The following ERC2 variants were observed in gnomAD, a reference collection of about 807,000 sequenced individuals.
ERC2 encodes the protein ELKS/RAB6-interacting/CAST family member 2.
ERC2 carries 42 observed loss-of-function variants against 114.8 expected under a neutral mutation model. The observed-to-expected ratio is 0.37, with a 90% CI of 0.29 to 0.47. The LOEUF (loss-of-function observed/expected upper bound fraction) is 0.47. Ranked by LOEUF, ERC2 falls within the 20% of genes least tolerant of loss-of-function variation. The pLI is 0.99. For synonymous variants in ERC2, 454 were observed against 425.5 expected (o/e 1.07, Z -0.82); for missense variants, 939 against 1,150.7 (o/e 0.82, Z 2.66).
At chr3:55,674,838 C>T (rs754728900) in intron 17 of ERC2, among the ~76,000 whole-genome samples, 1 of 152,142 alleles carries the variant, frequency 6.6e-6, no homozygotes, top group Non-Finnish European at 1.5e-5. Context: ...TACCCTTGCC[C>T]TTCAACCACC....
intron 17 of ERC2, among the ~76,000 whole-genome samples, chr3:55,620,491 C>A (rs2059281505): frequency 6.6e-6 from 1 of 152,182 alleles, no homozygotes; most frequent in South Asian, 2.1e-4. Context: ...TTCACAATGA[C>A]TCTGCACATT....
chr3:55,763,042 G>A lies in ERC2; in HGVS notation c.2565-28124C>T, dbSNP rs138911584. 8.5e-4 allele frequency among the ~76,000 whole-genome samples: 130 copies of A among 152,278 alleles called. 1 individual carries two copies. The East Asian group carries it at 0.024, about 29-fold the overall frequency. ...TAATTAAACAGAGAATCAAGAAAGA[G>A]ATTCCTAAGAAAATGGCATTATTGG... On this transcript the variant is annotated intron_variant, in intron 14 of 17. Transcript: ENST00000288221.
At chr3:55,741,424 A>G (rs2065956449) in intron 14 of ERC2, among the ~76,000 whole-genome samples, 1 of 152,118 alleles carries the variant, frequency 6.6e-6, no homozygotes, top group Admixed American at 6.6e-5. Flanking sequence ...GTGACAAGAC[A>G]CTTGGATATA....
At chr3:55,627,239 G>T (rs358919) in intron 17 of ERC2, among the ~76,000 whole-genome samples, 1 of 152,066 alleles carries the variant, frequency 6.6e-6, no homozygotes, top group Admixed American at 6.5e-5. Context: ...AGGCCAAGGC[G>T]GGCAGATCAC....
intron 3 of ERC2, among the ~76,000 whole-genome samples, chr3:56,196,092 T>C (rs1384422724): frequency 6.6e-6 from 1 of 152,098 alleles, no homozygotes; most frequent in Non-Finnish European, 1.5e-5. Context: ...TTCTAGGTCT[T>C]CTGCAGATAA....
chr3:56,082,530 T>C lies in ERC2; in HGVS notation c.1474-1546A>G, dbSNP rs1307640179. Among the ~76,000 whole-genome samples the C allele has an allele frequency of 2.6e-5, 4 of 152,226 alleles. No individual in the cohort carries two copies. The East Asian group carries it at 7.7e-4, about 29-fold the overall frequency. On this transcript the variant is annotated intron_variant, in intron 6 of 17. Coordinates refer to ENST00000288221, the MANE Select transcript of ERC2 (RefSeq NM_015576.3). Reference sequence around the variant, plus strand: ...ACCATGATTTATTTTTTCTGGATCATTAAAGACACCTTAACACTTGATTGT... The same window carrying C: ...ACCATGATTTATTTTTTCTGGATCACTAAAGACACCTTAACACTTGATTGT...
chr3:56,148,953 A>G (rs749137344), intron 5 of ERC2, 24 bp downstream of exon 5: 2 of 1,605,762 alleles, frequency 1.2e-6, no homozygotes, highest in Non-Finnish European at 1.7e-6. Context: ...TAAGAACATA[A>G]AAGTTTATAA....
chr3:55,856,867 A>T (rs1200732059), intron 14 of ERC2, among the ~76,000 whole-genome samples: 1 of 152,236 alleles, frequency 6.6e-6, no homozygotes, highest in Non-Finnish European at 1.5e-5. Flanking sequence ...ATGCTACAAC[A>T]TGCAGAAACC....
intron 2 of ERC2, among the ~76,000 whole-genome samples, chr3:56,382,211 T>C (rs1010752017): frequency 6.6e-6 from 1 of 152,138 alleles, no homozygotes; most frequent in Non-Finnish European, 1.5e-5. Flanking sequence ...CTACCCATAG[T>C]AGCCCCTCCT....
chr3:55,527,252 G>T (rs561690464), intron 17 of ERC2, among the ~76,000 whole-genome samples: 1 of 152,202 alleles, frequency 6.6e-6, no homozygotes, highest in Non-Finnish European at 1.5e-5. Context: ...GACGGAGATA[G>T]TAAAAATATC....
intron 2 of ERC2, among the ~76,000 whole-genome samples, chr3:56,355,893 T>C (rs1423384275): frequency 6.6e-6 from 1 of 152,282 alleles, no homozygotes; most frequent in Non-Finnish European, 1.5e-5. Context: ...GTACTTTCCA[T>C]GGAGAGGTGA....
chr3:56,328,236 C>T (rs1053142673), intron 2 of ERC2, among the ~76,000 whole-genome samples: 33 of 152,140 alleles, frequency 2.2e-4, no homozygotes, highest in Admixed American at 2.1e-3. Context: ...GCTGGAATGT[C>T]CCCTCCCCAA....
intron 14 of ERC2, among the ~76,000 whole-genome samples, chr3:55,820,595 G>C (rs991753811): frequency 1.3e-5 from 2 of 152,058 alleles, no homozygotes; most frequent in Admixed American, 6.6e-5. Flanking sequence ...TTAAAGACTC[G>C]CTCTACCCAT....
intron 17 of ERC2, among the ~76,000 whole-genome samples, chr3:55,550,582 T>C (rs969289220): frequency 3.3e-5 from 5 of 152,198 alleles, no homozygotes; most frequent in Admixed American, 1.3e-4. Flanking sequence ...TGTTATGAAT[T>C]GTTCCTTGTT....
At chr3:56,293,227 T>C (rs1264397024) in intron 3 of ERC2, among the ~76,000 whole-genome samples, 1 of 152,220 alleles carries the variant, frequency 6.6e-6, no homozygotes, top group Non-Finnish European at 1.5e-5. Context: ...TTGAAAACTT[T>C]TGGGGAACCG....
At position 56,265,617 on chromosome 3, in the gene ERC2, T is replaced by G. The variant is rs2053239417; in HGVS notation, c.1074+30402A>C. Among the ~76,000 whole-genome samples the G allele has an allele frequency of 2.0e-5, 3 of 152,018 alleles. No individual in the cohort carries two copies. In the South Asian group the frequency reaches 6.2e-4, roughly 32 times the overall value. ...ATAAAGAAGTGTAACTACATCAAAC[T>G]AAAAAGCTTCTGCATAGCAAAGGAA... On this transcript the variant is annotated intron_variant, in intron 3 of 17. Transcript: ENST00000288221.
chr3:55,805,060 C>T (rs891206209), intron 14 of ERC2, among the ~76,000 whole-genome samples: 8 of 152,100 alleles, frequency 5.3e-5, no homozygotes, highest in African/African-American at 1.9e-4. Context: ...TTTATTCTCA[C>T]TTTATAGGTG....
chr3:56,274,462 T>C (rs1253360438), intron 3 of ERC2, among the ~76,000 whole-genome samples: 1 of 151,954 alleles, frequency 6.6e-6, no homozygotes, highest in Non-Finnish European at 1.5e-5. Flanking sequence ...TTCCCCTCCA[T>C]AAACATGGGT....
chr3:55,690,771 T>G (rs1419793739), intron 16 of ERC2, among the ~76,000 whole-genome samples: 1 of 152,230 alleles, frequency 6.6e-6, no homozygotes, highest in Non-Finnish European at 1.5e-5. Flanking sequence ...ATTTTTCCCA[T>G]ACTCAGTGAA....
Sources: gnomAD v4.1 joint callset for allele counts (sites outside exome capture counted in the v4.1 genomes callset) on GRCh38, gnomAD v4.1.1 for gene constraint, MANE v1.5 for transcripts, NCBI Gene and HGNC (gene_info 2026-07-23, HGNC 2026-07-21) for gene names.